PCDHGA8: variants seen among roughly 807,000 people sequenced by gnomAD.
The protein encoded by PCDHGA8 is protocadherin gamma-A8.
Under a neutral mutation model 59.2 loss-of-function variants are expected in PCDHGA8, and 45 were observed. That is an observed-to-expected ratio of 0.76 (90% CI 0.60 to 0.98). The LOEUF (loss-of-function observed/expected upper bound fraction) is 0.98. PCDHGA8 is among the 50% of genes least tolerant of loss of function. The probability of loss-of-function intolerance (pLI) is 0.00; values close to 1 mark genes in which losing one functional copy is unlikely to be tolerated. For missense variants in PCDHGA8, 1,257 were observed against 1,196.2 expected, an observed-to-expected ratio of 1.05 and a Z score of -0.75; for synonymous variants, 531 against 519.0, an observed-to-expected ratio of 1.02 and a Z score of -0.32.
intron 1 of PCDHGA8, chr5:141,478,529 A>G: frequency 6.2e-7 from 1 of 1,609,580 alleles, no homozygotes; most frequent in Non-Finnish European, 8.5e-7. Flanking sequence ...GGGTGCAGAG[A>G]GCGCCCCTCC....
rs150714552 is a variant in PCDHGA8, at chr5:141,473,285, G to A, written c.2425-21522G>A. On this transcript the variant is annotated intron_variant, in intron 1 of 3. Transcript: ENST00000398604. ...GTGTATGCTATGATTATTTTACTATGTCAGTAGCATAAAGATTGCTATATT... is the reference window on the plus strand; with the variant it reads ...GTGTATGCTATGATTATTTTACTATATCAGTAGCATAAAGATTGCTATATT... 3.9e-3 allele frequency among the ~76,000 whole-genome samples: 590 copies of A among 152,296 alleles called. 6 individuals are homozygous for A. Among genetic ancestry groups the A allele is most frequent in the Admixed American group, 0.011 (170 of 15,296 alleles).
Position 141,493,891 on chromosome 5 carries a change from G to A in PCDHGA8, c.2425-916G>A, listed in dbSNP as rs1595204910. On this transcript the variant is annotated intron_variant, in intron 1 of 3. Transcript: ENST00000398604. The surrounding 1 kb of genome is among the most constrained non-coding windows in gnomAD (Gnocchi z 4.3). ...CCAGTGAGGAGGTGGCTCTAGGAGT[G>A]CTCCATGAGAGTGTGTGATGGGATA... Among the ~76,000 whole-genome samples, 1 of 152,300 alleles carries A rather than the reference G, an allele frequency of 6.6e-6. No homozygotes were observed. The highest frequency in any genetic ancestry group is 1.5e-5 in the Non-Finnish European group (1 of 68,018).
intron 1 of PCDHGA8, among the ~76,000 whole-genome samples, chr5:141,469,914 C>T (rs1451982311): frequency 6.6e-6 from 1 of 152,082 alleles, no homozygotes. Flanking sequence ...GCAGACCACC[C>T]GAGGTCAGGA....
intron 1 of PCDHGA8, among the ~76,000 whole-genome samples, chr5:141,457,931 T>G (rs1335457669): frequency 6.6e-6 from 1 of 152,184 alleles, no homozygotes; most frequent in Non-Finnish European, 1.5e-5. Context: ...CCAAGGGGCT[T>G]TTATTGGCTC....
At position 141,419,598 on chromosome 5, in the gene PCDHGA8, G is replaced by A. The variant is rs1466867194; in HGVS notation, c.2424+24361G>A. On this transcript the variant is annotated intron_variant, in intron 1 of 3. Transcript: ENST00000398604. ...TCCGCGCTCTTCGACACAGTGCCGC[G>A]GGCCGCGCAGCCAGGCTACCTGGTG... 21 of 1,611,674 alleles carry A rather than the reference G, an allele frequency of 1.3e-5. No individual in the cohort carries two copies. In the South Asian group the frequency reaches 1.3e-4, roughly 10 times the overall value.
chr5:141,447,136 T>TTTTTTG (rs1304915683), intron 1 of PCDHGA8, among the ~76,000 whole-genome samples: 1 of 152,090 alleles, frequency 6.6e-6, no homozygotes, highest in Non-Finnish European at 1.5e-5. Context: ...TGTTTGTTTG[T>TTTTTTG]TTTTTGTTTT....
Position 141,490,282 on chromosome 5 carries a change from C to T in PCDHGA8, c.2425-4525C>T, listed in dbSNP as rs763429413. 1.2e-6 allele frequency: 2 copies of T among 1,614,194 alleles called. No individual in the cohort carries two copies. The highest frequency in any genetic ancestry group is 1.7e-6 in the Non-Finnish European group (2 of 1,180,036). ...TGTGGGGGATGTCAATGACAATGCC[C>T]CAGAGGTGCTATTGGCCTCTTTGGC... On this transcript the variant is annotated intron_variant, in intron 1 of 3. Transcript: ENST00000398604. This position sits in a 1 kb window ranked among gnomAD's most constrained non-coding sequence, Gnocchi z 5.4.
chr5:141,496,723 T>G (rs1312615861), intron 2 of PCDHGA8, among the ~76,000 whole-genome samples: 3 of 152,212 alleles, frequency 2.0e-5, no homozygotes, highest in Non-Finnish European at 4.4e-5. Context: ...AAGTCATTAA[T>G]GTATTCATTC....
At chr5:141,450,008 T>C (rs78952430) in intron 1 of PCDHGA8, among the ~76,000 whole-genome samples, 2 of 37,390 alleles carry the variant, frequency 5.3e-5, no homozygotes, top group African/African-American at 6.8e-4. Flanking sequence ...CCATGTCTCT[T>C]TTTTTTTTTT....
At chr5:141,481,813 G>A (rs185558948) in intron 1 of PCDHGA8, among the ~76,000 whole-genome samples, 15 of 151,942 alleles carry the variant, frequency 9.9e-5, no homozygotes, top group East Asian at 7.8e-4. Context: ...TTCACCAGGC[G>A]TGGTGGCTGA....
At chr5:141,399,048 G>C (rs779434482) in intron 1 of PCDHGA8, 7 of 1,613,830 alleles carry the variant, frequency 4.3e-6, no homozygotes, top group Non-Finnish European at 5.1e-6. Flanking sequence ...ATTTTGAAGA[G>C]ACCAAGGAAT....
At chr5:141,429,164 G>A (rs2097189096) in intron 1 of PCDHGA8, 1 of 131,392 alleles carries the variant, frequency 7.6e-6, no homozygotes, top group African/African-American at 3.1e-5. Flanking sequence ...CGGAGACATT[G>A]TTTATACACA....
intron 1 of PCDHGA8, chr5:141,421,852 C>T: frequency 6.2e-7 from 1 of 1,613,770 alleles, no homozygotes; most frequent in South Asian, 1.1e-5. Context: ...AGAGGCTGCT[C>T]ACCTGCTCCT....
At chr5:141,421,436 G>C (rs373015809) in intron 1 of PCDHGA8, 6 of 1,613,994 alleles carry the variant, frequency 3.7e-6, no homozygotes, top group African/African-American at 2.7e-5. Context: ...ATCGTCTCCA[G>C]AGGGAAGACA....
At chr5:141,502,961 A>G (rs886622146) in intron 2 of PCDHGA8, among the ~76,000 whole-genome samples, 3 of 146,786 alleles carry the variant, frequency 2.0e-5, no homozygotes, top group Non-Finnish European at 4.4e-5. Context: ...CTCCTGCCTC[A>G]GCCTCCCAAG....
chr5:141,435,838 C>T (rs1037110579), intron 1 of PCDHGA8, among the ~76,000 whole-genome samples: 1 of 152,062 alleles, frequency 6.6e-6, no homozygotes, highest in Non-Finnish European at 1.5e-5. Context: ...TGCCTATCTA[C>T]TTTGAAAGAT....
intron 1 of PCDHGA8, among the ~76,000 whole-genome samples, chr5:141,401,851 T>C (rs902809229): frequency 3.9e-5 from 6 of 152,242 alleles, no homozygotes; most frequent in African/African-American, 1.4e-4. Context: ...CACTTACTTT[T>C]AACCTTTCAG....
intron 1 of PCDHGA8, among the ~76,000 whole-genome samples, chr5:141,406,747 CA>C (rs889749071): frequency 1.2e-4 from 19 of 152,168 alleles, no homozygotes; most frequent in Non-Finnish European, 2.1e-4. Flanking sequence ...TGTGAAATGA[CA>C]AAACAAGGAA....
chr5:141,422,691 C>A, intron 1 of PCDHGA8: 1 of 1,603,878 alleles, frequency 6.2e-7, no homozygotes, highest in Non-Finnish European at 8.5e-7. Flanking sequence ...ATGCCCTGGT[C>A]ACTTACTCTC....
Sources: gnomAD v4.1 joint callset for allele counts (sites outside exome capture counted in the v4.1 genomes callset) on GRCh38, gnomAD v4.1.1 for gene constraint, Gnocchi (gnomAD v3.1) non-coding constraint, MANE v1.5 for transcripts, NCBI Gene and HGNC (gene_info 2026-07-23, HGNC 2026-07-21) for gene names.